Variants in CSGALNACT1 observed in about 807,000 individuals in gnomAD.
CSGALNACT1 encodes the protein beta4GalNAcT-1.
A neutral mutation model predicts 51.0 loss-of-function variants in CSGALNACT1; 52 were observed. The observed-to-expected ratio is 1.02, with a 90% CI of 0.82 to 1.29. The LOEUF is 1.29. Among genes scored for constraint, CSGALNACT1 ranks in the 50% most tolerant of loss-of-function variants. The pLI is 0.00. For missense variants in CSGALNACT1, 935 were observed against 679.2 expected, an observed-to-expected ratio of 1.38 and a Z score of -4.19; for synonymous variants, 341 against 254.4, an observed-to-expected ratio of 1.34 and a Z score of -3.24.
At chr8:19,632,856 T>C (rs896894097) in intron 1 of CSGALNACT1, among the ~76,000 whole-genome samples, 4 of 151,992 alleles carry the variant, frequency 2.6e-5, no homozygotes, top group African/African-American at 9.7e-5. Flanking sequence ...CCCAGGCTCA[T>C]TGATCCTCCT....
intron 1 of CSGALNACT1, among the ~76,000 whole-genome samples, chr8:19,695,896 C>T (rs1373077460): frequency 6.6e-6 from 1 of 152,140 alleles, no homozygotes; most frequent in Non-Finnish European, 1.5e-5. Flanking sequence ...ACTACACAAG[C>T]CATCATCCTG....
intron 3 of CSGALNACT1, among the ~76,000 whole-genome samples, chr8:19,524,833 A>G (rs2154039251): frequency 6.6e-6 from 1 of 152,324 alleles, no homozygotes; most frequent in East Asian, 1.9e-4. Context: ...AGAACATAAC[A>G]AAACAAGGTG....
chr8:19,510,645 AT>A (rs548513179), intron 3 of CSGALNACT1, among the ~76,000 whole-genome samples: 10 of 152,338 alleles, frequency 6.6e-5, no homozygotes, highest in African/African-American at 2.4e-4. Flanking sequence ...TAAAATAGAT[AT>A]AAAGTGTTAA....
intron 5 of CSGALNACT1, among the ~76,000 whole-genome samples, chr8:19,451,156 T>C (rs2063122327): frequency 1.3e-5 from 2 of 152,222 alleles, no homozygotes; most frequent in Admixed American, 6.5e-5. Context: ...CCTTAGGGTC[T>C]GGGTGCTAGG....
rs148514736 is a variant in CSGALNACT1, at chr8:19,488,638, C to T, written c.634+16563G>A. On this transcript the variant is annotated intron_variant, in intron 4 of 9. Coordinates refer to ENST00000454498, the Ensembl canonical transcript of CSGALNACT1. ...TTTCTAGGGGTATAAAAATGCTCTC[C>T]GCAAATTTCCACCAACAAATAACAA... 2.4e-4 allele frequency among the ~76,000 whole-genome samples: 36 copies of T among 151,942 alleles called. No homozygotes were observed. In the East Asian group the frequency reaches 4.1e-3, roughly 17 times the overall value.
intron 4 of CSGALNACT1, among the ~76,000 whole-genome samples, chr8:19,479,655 C>T (rs2070787012): frequency 6.6e-6 from 1 of 151,592 alleles, no homozygotes; most frequent in African/African-American, 2.4e-5. Context: ...TAAGGATGTT[C>T]ATGCAGATAC....
intron 8 of CSGALNACT1, among the ~76,000 whole-genome samples, chr8:19,409,502 G>T (rs3839878): frequency 0.22 from 18,354 of 82,566 alleles, 1,175 homozygotes; most frequent in African/African-American, 0.33. Context: ...TATATATATA[G>T]AGAGAGAGAG....
intron 4 of CSGALNACT1, among the ~76,000 whole-genome samples, chr8:19,488,251 G>A (rs927741702): frequency 1.3e-5 from 2 of 151,650 alleles, no homozygotes; most frequent in Non-Finnish European, 2.9e-5. Context: ...TCCGGAGGCT[G>A]AGGCAGGAGA....
In CSGALNACT1 at chr8:19,676,765, G is replaced by A. The variant is rs557052201; in HGVS notation, c.-544+5708C>T. ...TCCACTGTTTAGACATTGGCAAGAG[G>A]AAGAGAAACCATCAACCCAGACAGG... On this transcript the variant is annotated intron_variant, in intron 1 of 9. Coordinates refer to the CSGALNACT1 transcript ENST00000332246. Among the ~76,000 whole-genome samples, 8 of 152,292 alleles carry A rather than the reference G, an allele frequency of 5.3e-5. No individual in the cohort carries two copies. In the East Asian group the frequency reaches 1.4e-3, roughly 26 times the overall value.
chr8:19,449,291 T>G (rs189134255), intron 5 of CSGALNACT1, among the ~76,000 whole-genome samples: 253 of 152,310 alleles, frequency 1.7e-3, no homozygotes, highest in African/African-American at 5.9e-3. Flanking sequence ...TAGATTAGCA[T>G]CTCTCAAACC....
At chr8:19,424,625 G>C (rs1457924140) in intron 6 of CSGALNACT1, among the ~76,000 whole-genome samples, 1 of 152,208 alleles carries the variant, frequency 6.6e-6, no homozygotes, top group Non-Finnish European at 1.5e-5. Context: ...GACAAGATGA[G>C]GAGGAATTGG....
At chr8:19,445,110 A>G (rs4618712) in intron 5 of CSGALNACT1, among the ~76,000 whole-genome samples, 70,770 of 152,102 alleles carry the variant, frequency 0.47, 18,007 homozygotes, top group East Asian at 0.86. Context: ...ATGTAACGAT[A>G]TGTTTTGAAA....
At chr8:19,603,047 TACACACACACACACACAC>T (rs5889877), upstream of CSGALNACT1, among the ~76,000 whole-genome samples, 10 of 123,120 alleles carry the variant, frequency 8.1e-5, no homozygotes, top group East Asian at 2.3e-4. Context: ...ACTGTGTGTA[TACACACACACACACACAC>T]ACACACACAC....
In CSGALNACT1 at chr8:19,489,026, G is replaced by A. The variant is rs146499908; in HGVS notation, c.634+16175C>T. Among the ~76,000 whole-genome samples, 735 of 152,214 alleles carry A rather than the reference G, an allele frequency of 4.8e-3. 12 individuals are homozygous for A. The highest frequency in any genetic ancestry group is 0.046 in the South Asian group (220 of 4,816). ...AGAAACAACGGCCCCCATTTGAAGG[G>A]CAAAAGATGTATCTCCTACAGGTAG... is the stretch of plus-strand genomic sequence containing the variant. On this transcript the variant is annotated intron_variant, in intron 4 of 9. Coordinates refer to ENST00000454498, the Ensembl canonical transcript of CSGALNACT1.
chr8:19,678,946 C>G (rs893712235), intron 1 of CSGALNACT1: 1 of 152,182 alleles, frequency 6.6e-6, no homozygotes, highest in Non-Finnish European at 1.5e-5. Context: ...ATGCTGGGAG[C>G]TTGACTGTCT....
intron 5 of CSGALNACT1, among the ~76,000 whole-genome samples, chr8:19,443,719 T>C (rs1046685415): frequency 6.6e-6 from 1 of 152,194 alleles, no homozygotes; most frequent in Non-Finnish European, 1.5e-5. Context: ...AGCTGAGATG[T>C]GGGTGGGGAT....
chr8:19,612,382 C>T (rs1229004291), intron 1 of CSGALNACT1, among the ~76,000 whole-genome samples: 6 of 151,734 alleles, frequency 4.0e-5, no homozygotes, highest in South Asian at 4.2e-4. Flanking sequence ...TCTCCATGAA[C>T]GTAATACATT....
chr8:19,755,813 G>T (rs2065336947), intron 1 of CSGALNACT1, among the ~76,000 whole-genome samples: 1 of 152,308 alleles, frequency 6.6e-6, no homozygotes, highest in African/African-American at 2.4e-5. Context: ...ACACAAAGAT[G>T]AACAGGATTA....
At chr8:19,535,657 AGAT>A (rs1418354713) in intron 3 of CSGALNACT1, among the ~76,000 whole-genome samples, 1 of 152,196 alleles carries the variant, frequency 6.6e-6, no homozygotes, top group African/African-American at 2.4e-5. Context: ...TCTGATTGTA[AGAT>A]GATGAATTGA....
Sources: allele counts gnomAD v4.1 joint callset (sites outside exome capture counted in the v4.1 genomes callset), GRCh38; gene constraint gnomAD v4.1.1; transcripts MANE v1.5; gene names NCBI Gene and HGNC (gene_info 2026-07-23, HGNC 2026-07-21).